KCTD13: variants seen among roughly 807,000 people sequenced by gnomAD.
KCTD13 encodes the protein BTB/POZ domain-containing adapter for CUL3-mediated RhoA degradation protein 1.
KCTD13 carries 15 observed loss-of-function variants against 32.3 expected under a neutral mutation model. The observed-to-expected ratio is 0.46, with a 90% CI of 0.31 to 0.71. The LOEUF is 0.71. Among genes scored for constraint, KCTD13 ranks in the 30% least tolerant of loss-of-function variants. The pLI, the probability that KCTD13 is intolerant of heterozygous loss-of-function variation, is 0.05. For synonymous variants in KCTD13, 189 were observed against 200.1 expected (o/e 0.94, Z 0.47); for missense variants, 337 against 452.6 (o/e 0.74, Z 2.32).
In KCTD13 at chr16:29,926,226, T is replaced by A; in HGVS notation, c.-193A>T. ...CACCCGGAAGCCGGCGCCGGGCAGC[T>A]GCGCAGGCGCGGCCCCGCCCCTGAA... On this transcript the variant is annotated 5_prime_UTR_variant, in exon 1 of 6. Transcript: ENST00000568000. 1 of 564,462 alleles carries A rather than the reference T, an allele frequency of 1.8e-6. No homozygotes were observed. Among genetic ancestry groups the A allele is most frequent in the Admixed American group, 4.3e-5 (1 of 23,066 alleles). The allele number at this position is 564,462 out of a possible 1,614,324, so 35.0% of individuals were successfully genotyped here. A position where few individuals can be genotyped will look rare whatever the true frequency, so the allele number is the denominator to read the frequency against.
chr16:29,914,006 T>A (rs945315252), intron 2 of KCTD13: 2 of 152,112 alleles, frequency 1.3e-5, no homozygotes, highest in African/African-American at 2.4e-5. Context: ...ATTTTTGTAT[T>A]TTTAGTAGAG....
rs757712712 is a variant in KCTD13, at chr16:29,907,088, C to T, written c.774G>A (p.Arg258=). The T allele has an allele frequency of 3.1e-6, 5 of 1,606,632 alleles. No individual in the cohort carries two copies. The highest frequency in any genetic ancestry group is 4.3e-6 in the Non-Finnish European group (5 of 1,174,832). ...GGATGTTCAGGGTCTCCTCGAAGAT[C>T]CGGGCCTCTGGAAATTCCACCTGCA... is the stretch of plus-strand genomic sequence containing the variant. ...KQTKVEFPEA[R]IFEETLNILI... is the part of the protein sequence containing the mutation. The change falls in exon 6 of 6, where the codon CGG becomes CGA. Residue 258 remains arginine, a synonymous_variant. Transcript: ENST00000568000.
chr16:29,907,991 AAG>A (rs574753177), intron 5 of KCTD13, among the ~76,000 whole-genome samples: 3 of 151,260 alleles, frequency 2.0e-5, no homozygotes, highest in African/African-American at 7.3e-5. Context: ...AAAAAAAAAA[AAG>A]AGAGAGAGAG....
At chr16:29,911,696 G>T in intron 4 of KCTD13, 119 bp downstream of exon 4, 1 of 1,064,416 alleles carries the variant, frequency 9.4e-7, no homozygotes, top group Non-Finnish European at 1.4e-6. Flanking sequence ...AGCCGAATCT[G>T]CGAGCAGGCA....
chr16:29,918,892 T>C (rs1332783926), intron 2 of KCTD13, among the ~76,000 whole-genome samples: 1 of 151,276 alleles, frequency 6.6e-6, no homozygotes, highest in Non-Finnish European at 1.5e-5. Context: ...ACTCCTGACC[T>C]TGTGATCCAC....
At chr16:29,923,909 T>A (rs941485277) in intron 1 of KCTD13, among the ~76,000 whole-genome samples, 2 of 150,770 alleles carry the variant, frequency 1.3e-5, no homozygotes, top group African/African-American at 4.9e-5. Flanking sequence ...GCACGGTGAC[T>A]GACGCCTGTA....
intron 5 of KCTD13, among the ~76,000 whole-genome samples, chr16:29,910,425 A>G (rs1199746887): frequency 2.0e-5 from 3 of 151,944 alleles, no homozygotes; most frequent in East Asian, 3.9e-4. Context: ...TAATAAATAA[A>G]TAAATTACTG....
intron 1 of KCTD13, 30 bp downstream of exon 1, chr16:29,925,760 G>GAT: frequency 6.2e-7 from 1 of 1,601,922 alleles, no homozygotes; most frequent in South Asian, 1.1e-5. Flanking sequence ...GGGGTCTGGG[G>GAT]TGGGGGCACG....
At chr16:29,915,605 CAA>C (rs200326928) in intron 2 of KCTD13, among the ~76,000 whole-genome samples, 60 of 118,696 alleles carry the variant, frequency 5.1e-4, no homozygotes, top group Admixed American at 4.5e-4. Flanking sequence ...TGAGCTATCT[CAA>C]AAAAAAAAAA....
At chr16:29,911,542 A>T in intron 4 of KCTD13, 1 of 585,896 alleles carries the variant, frequency 1.7e-6, no homozygotes, top group Admixed American at 3.1e-5. Context: ...CTCAAGGGGG[A>T]GGACTCTGCC....
At chr16:29,908,279 G>A (rs1324516945) in intron 5 of KCTD13, among the ~76,000 whole-genome samples, 1 of 152,170 alleles carries the variant, frequency 6.6e-6, no homozygotes, top group Admixed American at 6.6e-5. Flanking sequence ...AGATGAGAGG[G>A]AATGGAAAGG....
chr16:29,910,709 T>C (rs903069067), intron 5 of KCTD13, among the ~76,000 whole-genome samples: 2 of 152,118 alleles, frequency 1.3e-5, no homozygotes, highest in African/African-American at 4.8e-5. Flanking sequence ...GAAAAATGCA[T>C]ACACCCCCAT....
At chr16:29,914,498 C>T (rs897521367) in intron 2 of KCTD13, 2 of 150,390 alleles carry the variant, frequency 1.3e-5, no homozygotes, top group African/African-American at 2.5e-5. Context: ...TGCAGAGCCA[C>T]CACCATCTCA....
chr16:29,915,864 C>A (rs2068800753), intron 2 of KCTD13, among the ~76,000 whole-genome samples: 2 of 152,148 alleles, frequency 1.3e-5, no homozygotes, highest in African/African-American at 4.8e-5. Context: ...TGTATTTAAT[C>A]TTTGCACGGA....
chr16:29,915,355 G>C (rs2068790958), intron 2 of KCTD13: 1 of 152,188 alleles, frequency 6.6e-6, no homozygotes. Context: ...GCCACACCTA[G>C]AAATCTCTGC....
At chr16:29,924,658 T>C (rs1417023685) in intron 1 of KCTD13, among the ~76,000 whole-genome samples, 2 of 152,168 alleles carry the variant, frequency 1.3e-5, no homozygotes, top group African/African-American at 2.4e-5. Context: ...GTCAGGTTCA[T>C]TTACCTATCT....
At chr16:29,916,490 T>G (rs1017856658) in intron 2 of KCTD13, among the ~76,000 whole-genome samples, 3 of 152,230 alleles carry the variant, frequency 2.0e-5, no homozygotes, top group Non-Finnish European at 4.4e-5. Context: ...CATTTGAGGT[T>G]TCTGTTATGG....
At chr16:29,925,271 T>C (rs1290271852) in intron 1 of KCTD13, among the ~76,000 whole-genome samples, 3 of 152,144 alleles carry the variant, frequency 2.0e-5, no homozygotes, top group African/African-American at 4.8e-5. Context: ...CCTTCTGCAA[T>C]GTGTGTATAC....
Position 29,907,066 on chromosome 16 carries a change from T to C in KCTD13, c.796A>G (p.Ile266Val), listed in dbSNP as rs781271074. 2.5e-6 allele frequency: 4 copies of C among 1,612,874 alleles called. No individual in the cohort carries two copies. The highest frequency in any genetic ancestry group is 1.7e-4 in the Middle Eastern group (1 of 6,056). ...EARIFEETLNILIYETPRGPD... is the reference protein window; with the variant it reads ...EARIFEETLNVLIYETPRGPD... ...CCCCGGGGAGTCTCGTAGATGAGGA[T>C]GTTCAGGGTCTCCTCGAAGATCCGG... Residue 266 changes from isoleucine (I) to valine (V), a missense_variant, in exon 6 of 6, where the codon ATC (isoleucine) becomes GTC (valine). Physicochemically the swap from Ile to Val is conservative, Grantham distance 29 (BLOSUM62 3). Around this residue, in one of 3 missense-constraint regions of KCTD13, gnomAD observed 252 missense variants for 340.2 expected, o/e 0.74. Coordinates refer to ENST00000568000, the MANE Select transcript of KCTD13 (RefSeq NM_178863.5).
Sources: gnomAD v4.1 joint callset for allele counts (sites outside exome capture counted in the v4.1 genomes callset) on GRCh38, gnomAD v4.1.1 for gene constraint, gnomAD v4.1.1 regional missense constraint, MANE v1.5 for transcripts, NCBI Gene and HGNC (gene_info 2026-07-23, HGNC 2026-07-21) for gene names.